The following CNTN5 variants were observed in gnomAD, a reference collection of about 807,000 sequenced individuals.
The protein encoded by CNTN5 is contactin-5.
A neutral mutation model predicts 129.1 loss-of-function variants in CNTN5; 77 were observed. The ratio of observed to expected loss-of-function variants is 0.60; its 90% CI spans 0.50 to 0.72. The LOEUF is 0.72. CNTN5 is among the 30% of genes least tolerant of loss of function. CNTN5 has a pLI of 0.00. For synonymous variants in CNTN5, 509 were observed against 465.6 expected, an observed-to-expected ratio of 1.09 and a Z score of -1.20; for missense variants, 1,478 against 1,328.8, an observed-to-expected ratio of 1.11 and a Z score of -1.75.
intron 2 of CNTN5, among the ~76,000 whole-genome samples, chr11:99,330,015 CAT>C (rs1348363125): frequency 6.7e-6 from 1 of 149,104 alleles, no homozygotes; most frequent in Admixed American, 6.7e-5. Flanking sequence ...TTATTATTGT[CAT>C]AGAATAAGTA....
intron 7 of CNTN5, among the ~76,000 whole-genome samples, chr11:99,947,398 A>G (rs539272524): frequency 5.2e-4 from 79 of 152,132 alleles, no homozygotes; most frequent in African/African-American, 1.9e-3. Context: ...TGATGTAGAA[A>G]ATAAACCATT....
chr11:99,425,648 C>A lies in CNTN5; in HGVS notation c.-71+100164C>A, dbSNP rs1181267684. 2.6e-5 allele frequency among the ~76,000 whole-genome samples: 4 copies of A among 152,240 alleles called. No homozygotes were observed. The East Asian group carries it at 5.8e-4, about 22-fold the overall frequency. On this transcript the variant is annotated intron_variant, in intron 2 of 24. Transcript: ENST00000524871. ...AGGTGCCAGGAGCAGAGAAAGAGGC[C>A]AGAGAGTGGGAGCAGACACTTAGGA...
At chr11:99,865,725 C>T (rs1226241120) in intron 6 of CNTN5, among the ~76,000 whole-genome samples, 1 of 151,904 alleles carries the variant, frequency 6.6e-6, no homozygotes, top group Non-Finnish European at 1.5e-5. Context: ...GTGTTATTGC[C>T]TAAGCCACAT....
chr11:99,574,069 C>T (rs1038857559), intron 3 of CNTN5, among the ~76,000 whole-genome samples: 5 of 152,068 alleles, frequency 3.3e-5, no homozygotes, highest in African/African-American at 9.7e-5. Flanking sequence ...CCCCACTCCC[C>T]GACAGGCCCA....
At chr11:99,326,003 G>A (rs951062635) in intron 2 of CNTN5, among the ~76,000 whole-genome samples, 5 of 152,158 alleles carry the variant, frequency 3.3e-5, no homozygotes, top group African/African-American at 7.2e-5. Context: ...GAAGGCAGAC[G>A]ACTTTTATGC....
intron 2 of CNTN5, among the ~76,000 whole-genome samples, chr11:99,369,367 A>G (rs1000855470): frequency 6.6e-6 from 1 of 151,250 alleles, no homozygotes; most frequent in Non-Finnish European, 1.5e-5. Context: ...TCTTGGTCAC[A>G]GTCCATGTCT....
At chr11:100,276,554 G>GAAA (rs1950518062) in intron 18 of CNTN5, among the ~76,000 whole-genome samples, 65 of 110,680 alleles carry the variant, frequency 5.9e-4, no homozygotes, top group Non-Finnish European at 9.8e-4. Context: ...AAAAAAAAAG[G>GAAA]AAAGAAACAC....
chr11:99,316,600 T>C lies in CNTN5; in HGVS notation c.-209-8746T>C, dbSNP rs531641839. Among the ~76,000 whole-genome samples, 29 of 152,134 alleles carry C rather than the reference T, an allele frequency of 1.9e-4. No individual in the cohort carries two copies. In the South Asian group the frequency reaches 5.8e-3, roughly 30 times the overall value. ...AGTAGACGACCCTTCGGTGGAGGAT[T>C]GGGGAACAAATTTTAATTCAAGCCA... On this transcript the variant is annotated intron_variant, in intron 1 of 24. Coordinates refer to ENST00000524871, the MANE Select transcript of CNTN5 (RefSeq NM_014361.4).
In CNTN5 at chr11:99,854,257, T is replaced by C. The variant is rs142655346; in HGVS notation, c.577+8995T>C. Among the ~76,000 whole-genome samples, 662 of 152,326 alleles carry C rather than the reference T, an allele frequency of 4.3e-3. 4 individuals carry two copies. The highest frequency in any genetic ancestry group is 0.013 in the African/African-American group (557 of 41,568). Reference sequence around the variant, plus strand: ...ACTCCCTCTGTATTGCTTATTGGAATTATCTATGCAAAACACAATTCTGAC... The same window carrying C: ...ACTCCCTCTGTATTGCTTATTGGAACTATCTATGCAAAACACAATTCTGAC... On this transcript the variant is annotated intron_variant, in intron 6 of 24. Transcript: ENST00000524871.
chr11:99,990,258 T>A (rs1472635854), intron 8 of CNTN5, among the ~76,000 whole-genome samples: 1 of 152,018 alleles, frequency 6.6e-6, no homozygotes, highest in Non-Finnish European at 1.5e-5. Context: ...AGAAAATAAG[T>A]CTTAAAATTT....
chr11:100,137,980 GA>G (rs1946578885), intron 13 of CNTN5, among the ~76,000 whole-genome samples: 1 of 151,878 alleles, frequency 6.6e-6, no homozygotes, highest in Admixed American at 6.6e-5. Flanking sequence ...TGAACTTGAA[GA>G]ATAAAAAACT....
At chr11:99,873,283 C>T (rs188971789) in intron 6 of CNTN5, among the ~76,000 whole-genome samples, 617 of 151,650 alleles carry the variant, frequency 4.1e-3, no homozygotes, top group South Asian at 9.4e-3. Context: ...AAAAAAAATA[C>T]GCCTTTTTAA....
intron 3 of CNTN5, among the ~76,000 whole-genome samples, chr11:99,600,889 A>C (rs755231721): frequency 1.3e-5 from 2 of 152,206 alleles, no homozygotes; most frequent in Non-Finnish European, 2.9e-5. Flanking sequence ...GATCATTGTT[A>C]ATTTCTAAGC....
At chr11:99,643,292 T>C (rs1370213012) in intron 3 of CNTN5, among the ~76,000 whole-genome samples, 1 of 152,158 alleles carries the variant, frequency 6.6e-6, no homozygotes, top group African/African-American at 2.4e-5. Flanking sequence ...TATTTGATTC[T>C]TTATATAATA....
At chr11:100,072,658 G>C (rs1839240080) in intron 12 of CNTN5, among the ~76,000 whole-genome samples, 1 of 152,070 alleles carries the variant, frequency 6.6e-6, no homozygotes, top group African/African-American at 2.4e-5. Flanking sequence ...AAACACCAAA[G>C]ATCTCAGGAA....
intron 1 of CNTN5, among the ~76,000 whole-genome samples, chr11:99,131,090 A>G (rs1268820749): frequency 1.9e-4 from 19 of 99,524 alleles, no homozygotes; most frequent in African/African-American, 7.1e-4. Context: ...GTGAAACCCC[A>G]TCTCTACTAA....
chr11:99,054,136 G>A (rs181293374), intron 1 of CNTN5, among the ~76,000 whole-genome samples: 85 of 152,036 alleles, frequency 5.6e-4, no homozygotes, highest in African/African-American at 1.8e-3. Flanking sequence ...CAAGAACTAG[G>A]ACTGGGACAA....
chr11:99,186,051 C>T (rs1301367117), intron 1 of CNTN5, among the ~76,000 whole-genome samples: 2 of 151,598 alleles, frequency 1.3e-5, no homozygotes, highest in Admixed American at 1.3e-4. Flanking sequence ...AGATGGAGAA[C>T]CATGTTACAT....
chr11:100,150,154 G>A (rs1947007230), intron 13 of CNTN5, among the ~76,000 whole-genome samples: 1 of 152,042 alleles, frequency 6.6e-6, no homozygotes, highest in Non-Finnish European at 1.5e-5. Context: ...ATGCGCTTTT[G>A]CATATCAGGT....
Sources: gnomAD v4.1 joint callset for allele counts (sites outside exome capture counted in the v4.1 genomes callset) on GRCh38, gnomAD v4.1.1 for gene constraint, MANE v1.5 for transcripts, NCBI Gene and HGNC (gene_info 2026-07-23, HGNC 2026-07-21) for gene names.